Variants in EBF1 observed in about 807,000 individuals in gnomAD.
EBF1 encodes transcription factor COE1.
Under a neutral mutation model 68.4 loss-of-function variants are expected in EBF1, and 10 were observed. The observed-to-expected ratio is 0.15, with a 90% confidence interval of 0.09 to 0.25. The LOEUF (loss-of-function observed/expected upper bound fraction) is 0.25. Ranked by LOEUF, EBF1 falls within the 10% of genes least tolerant of loss-of-function variation. EBF1 has a pLI of 1.00. For missense variants in EBF1, 509 were observed against 794.4 expected (o/e 0.64, Z 4.32); for synonymous variants, 298 against 299.8 (o/e 0.99, Z 0.06).
At chr5:159,086,895 T>C (rs983689667) in intron 4 of EBF1, among the ~76,000 whole-genome samples, 1 of 152,118 alleles carries the variant, frequency 6.6e-6, no homozygotes, top group Non-Finnish European at 1.5e-5. Context: ...CTTTTCAAAA[T>C]CCTAAGCAGT....
intron 6 of EBF1, among the ~76,000 whole-genome samples, chr5:158,888,425 C>A (rs1378895503): frequency 6.6e-6 from 1 of 152,110 alleles, no homozygotes; most frequent in Non-Finnish European, 1.5e-5. Context: ...TGTGTACATT[C>A]ATTCCTAAGA....
chr5:158,755,304 T>G (rs905020973), intron 10 of EBF1, among the ~76,000 whole-genome samples: 1 of 152,032 alleles, frequency 6.6e-6, no homozygotes, highest in Non-Finnish European at 1.5e-5. Context: ...CCATATCCCC[T>G]CCCCACTTCT....
chr5:158,727,025 G>A (rs897235759), intron 11 of EBF1, among the ~76,000 whole-genome samples: 5 of 152,240 alleles, frequency 3.3e-5, no homozygotes, highest in African/African-American at 4.8e-5. Flanking sequence ...CAACAATGCC[G>A]TGAGGCAGCT....
intron 6 of EBF1, among the ~76,000 whole-genome samples, chr5:158,946,203 C>A (rs1350556948): frequency 6.6e-6 from 1 of 152,182 alleles, no homozygotes; most frequent in Non-Finnish European, 1.5e-5. Flanking sequence ...CAAACTAATT[C>A]TCCATCCTGT....
intron 6 of EBF1, among the ~76,000 whole-genome samples, chr5:159,052,683 A>C (rs962242377): frequency 7.2e-5 from 11 of 152,328 alleles, no homozygotes; most frequent in African/African-American, 2.4e-4. Flanking sequence ...TTGGAGCTGC[A>C]AACCTTCGGC....
At chr5:159,073,289 C>T in intron 6 of EBF1, 107 bp downstream of exon 6, 3 of 1,204,538 alleles carry the variant, frequency 2.5e-6, no homozygotes, top group Non-Finnish European at 3.6e-6. Context: ...GACCAACAGG[C>T]AAATTTCAGC....
chr5:158,750,852 G>T (rs1027241430), intron 10 of EBF1, among the ~76,000 whole-genome samples: 2 of 151,816 alleles, frequency 1.3e-5, no homozygotes, highest in Admixed American at 6.6e-5. Context: ...GGTTTTTAAA[G>T]CATCAAAGTT....
chr5:158,941,548 A>T (rs1813398765), intron 6 of EBF1, among the ~76,000 whole-genome samples: 1 of 152,212 alleles, frequency 6.6e-6, no homozygotes, highest in African/African-American at 2.4e-5. Context: ...TCTTCCAAGG[A>T]TCCAAAGATC....
intron 14 of EBF1, among the ~76,000 whole-genome samples, chr5:158,710,207 G>C (rs1234362148): frequency 6.6e-6 from 1 of 152,144 alleles, no homozygotes; most frequent in Admixed American, 6.5e-5. Flanking sequence ...GAGCATATTT[G>C]AGAATTTAAT....
chr5:158,897,070 A>G (rs1057510890), intron 6 of EBF1, among the ~76,000 whole-genome samples: 1 of 152,186 alleles, frequency 6.6e-6, no homozygotes, highest in African/African-American at 2.4e-5. Context: ...CTGCAGGGCA[A>G]CTGAAATCAT....
At chr5:159,001,316 C>T (rs761622997) in intron 6 of EBF1, among the ~76,000 whole-genome samples, 4 of 152,062 alleles carry the variant, frequency 2.6e-5, no homozygotes, top group Non-Finnish European at 4.4e-5. Flanking sequence ...TATGGATAGA[C>T]ATAAGCCACA....
At chr5:159,055,818 G>A (rs1182992849) in intron 6 of EBF1, among the ~76,000 whole-genome samples, 1 of 152,184 alleles carries the variant, frequency 6.6e-6, no homozygotes, top group Admixed American at 6.5e-5. Context: ...TAATAGGTGA[G>A]TGCCCTGGGA....
intron 8 of EBF1, among the ~76,000 whole-genome samples, chr5:158,814,896 T>C (rs934681446): frequency 2.6e-5 from 4 of 152,208 alleles, no homozygotes; most frequent in Non-Finnish European, 1.5e-5. Flanking sequence ...AAAAATTTCC[T>C]TCAGGTTTCT....
intron 9 of EBF1, 111 bp from the exon 10 acceptor site, chr5:158,777,650 T>A: frequency 8.7e-7 from 1 of 1,150,692 alleles, no homozygotes; most frequent in Non-Finnish European, 1.2e-6. Flanking sequence ...AACCTGTCTA[T>A]GTTTAAATCC....
intron 6 of EBF1, among the ~76,000 whole-genome samples, chr5:159,057,352 C>A (rs1403257433): frequency 6.6e-6 from 1 of 152,146 alleles, no homozygotes; most frequent in East Asian, 1.9e-4. Flanking sequence ...GGTGATCCAC[C>A]TGCCTCAGCC....
At chr5:158,785,829 T>C (rs1777316426) in intron 9 of EBF1, among the ~76,000 whole-genome samples, 1 of 152,172 alleles carries the variant, frequency 6.6e-6, no homozygotes, top group African/African-American at 2.4e-5. Flanking sequence ...TCTCTCAATA[T>C]AGATATCGAC....
chr5:158,748,654 T>C (rs1418316769), intron 10 of EBF1, among the ~76,000 whole-genome samples: 7 of 152,152 alleles, frequency 4.6e-5, no homozygotes, highest in African/African-American at 1.4e-4. Flanking sequence ...GAAGAGAGCA[T>C]ATTAAGTGCT....
intron 6 of EBF1, among the ~76,000 whole-genome samples, chr5:158,904,656 TC>T (rs1427456232): frequency 6.6e-6 from 1 of 152,130 alleles, no homozygotes; most frequent in Non-Finnish European, 1.5e-5. Context: ...AAAGGTAATA[TC>T]CATTTATGGG....
At chr5:159,021,436 A>C (rs1159905306) in intron 6 of EBF1, among the ~76,000 whole-genome samples, 2 of 152,234 alleles carry the variant, frequency 1.3e-5, no homozygotes, top group Non-Finnish European at 2.9e-5. Context: ...AAATTCTGCC[A>C]AGTTCCAAAC....
Sources: gnomAD v4.1 joint callset for allele counts (sites outside exome capture counted in the v4.1 genomes callset) on GRCh38, gnomAD v4.1.1 for gene constraint, MANE v1.5 for transcripts, NCBI Gene and HGNC (gene_info 2026-07-23, HGNC 2026-07-21) for gene names.